Variants in PTPN1 observed in about 807,000 individuals in gnomAD.
PTPN1 encodes protein tyrosine phosphatase non-receptor type 1, also known as tyrosine-protein phosphatase non-receptor type 1.
PTPN1 carries 12 observed loss-of-function variants against 59.9 expected under a neutral mutation model. The ratio of observed to expected loss-of-function variants is 0.20; its 90% CI spans 0.13 to 0.32. The LOEUF is 0.32. PTPN1 is among the 10% of genes least tolerant of loss of function. The pLI is 1.00. For synonymous variants in PTPN1, 178 were observed against 203.6 expected (o/e 0.87, Z 1.07); for missense variants, 356 against 549.2 (o/e 0.65, Z 3.52).
chr20:50,553,996 G>A (rs917833539), intron 1 of PTPN1, among the ~76,000 whole-genome samples: 9 of 152,104 alleles, frequency 5.9e-5, no homozygotes, highest in African/African-American at 2.2e-4. Flanking sequence ...AAACAAGTCT[G>A]CCCCCAAAAT....
rs918839583 is a variant in PTPN1 at position 50,579,543 on chromosome 20, G to A, written c.865-160G>A. On this transcript the variant is annotated intron_variant, in intron 7 of 9. Transcript: ENST00000371621. ...ATAGAGAGCATTGATAGGAAGACGA[G>A]ACTTTATTTTCAAAAGATTTCATCT... 7.9e-5 allele frequency among the ~76,000 whole-genome samples: 12 copies of A among 152,350 alleles called. No individual in the cohort carries two copies. In the South Asian group the frequency reaches 2.5e-3, roughly 32 times the overall value.
chr20:50,515,416 T>C (rs1200782692), intron 1 of PTPN1, among the ~76,000 whole-genome samples: 1 of 152,250 alleles, frequency 6.6e-6, no homozygotes, highest in African/African-American at 2.4e-5. Flanking sequence ...ATATCTCTTC[T>C]AAAGCCCTGC....
At chr20:50,530,435 C>T (rs1267796658) in intron 1 of PTPN1, among the ~76,000 whole-genome samples, 1 of 151,892 alleles carries the variant, frequency 6.6e-6, no homozygotes, top group Non-Finnish European at 1.5e-5. Flanking sequence ...TGGCTCACTG[C>T]AGCCTCCCCG....
Position 50,579,241 on chromosome 20 carries a change from G to A in PTPN1, c.776G>A (p.Gly259Glu). The A allele has an allele frequency of 6.2e-7, 1 of 1,614,212 alleles. No individual in the cohort carries two copies. Among genetic ancestry groups the A allele is most frequent in the Non-Finnish European group, 8.5e-7 (1 of 1,180,028 alleles). ...TTAGAAATGAGGAAGTTTCGGATGG[G>A]GCTGATCCAGACAGCCGACCAGCTG... ...VLLEMRKFRM[G>E]LIQTADQLRF... is the part of the protein sequence containing the mutation. The change falls in exon 7 of 10, where the codon GGG becomes GAG. Residue 259 changes from glycine (G) to glutamate (E), a missense_variant. By Grantham distance (98) the Gly-to-Glu change is moderately conservative (BLOSUM62 -2). Transcript: ENST00000371621.
At chr20:50,533,912 G>A (rs772233038) in intron 1 of PTPN1, among the ~76,000 whole-genome samples, 2 of 152,090 alleles carry the variant, frequency 1.3e-5, no homozygotes, top group East Asian at 1.9e-4. Flanking sequence ...CAGATTGTCT[G>A]GCTATAGAAG....
At chr20:50,574,928 C>A in intron 5 of PTPN1, 1 of 379,758 alleles carries the variant, frequency 2.6e-6, no homozygotes, top group Non-Finnish European at 4.7e-6. Flanking sequence ...CTGGTTCCTG[C>A]TTGTGCAGCT....
chr20:50,562,195 T>C (rs957714799), intron 2 of PTPN1, among the ~76,000 whole-genome samples: 4 of 151,960 alleles, frequency 2.6e-5, no homozygotes, highest in Non-Finnish European at 5.9e-5. Context: ...CAGTGAGGGG[T>C]CGTAGCTGCC....
chr20:50,578,764 A>C, intron 6 of PTPN1, 135 bp downstream of exon 6: 1 of 747,204 alleles, frequency 1.3e-6, no homozygotes, highest in Non-Finnish European at 2.1e-6. Flanking sequence ...TTGCGTTACT[A>C]ATAAAGGCGT....
In PTPN1 at chr20:50,510,383, A is replaced by G. The variant is rs976215791; in HGVS notation, c.-145A>G. The G allele has an allele frequency of 5.9e-5, 49 of 828,610 alleles. No homozygotes were observed. The East Asian group carries it at 1.4e-3, about 24-fold the overall frequency. 51.3% of individuals were successfully genotyped at this position (828,610 alleles called of 1,614,324 possible). A position where few individuals can be genotyped will look rare whatever the true frequency, so the allele number is the denominator to read the frequency against. On this transcript the variant is annotated 5_prime_UTR_variant, in exon 1 of 10. An upstream start codon of the reference 5' UTR is lost. Transcript: ENST00000371621. ...TGCGTAGTTCCGGCTGCCGGTTGACATGAAGAAGCAGCAGCGGCTAGGGCG... is the reference window on the plus strand; with the variant it reads ...TGCGTAGTTCCGGCTGCCGGTTGACGTGAAGAAGCAGCAGCGGCTAGGGCG...
In PTPN1 at chr20:50,582,083, G is replaced by A. The variant is rs1390260924; in HGVS notation, c.1285-609G>A. 6.6e-6 allele frequency among the ~76,000 whole-genome samples: 1 copy of A among 152,222 alleles called. No individual in the cohort carries two copies. Among genetic ancestry groups the A allele is most frequent in the East Asian group, 1.9e-4 (1 of 5,204 alleles). ...CACTATAAGAAGAACAGCAACAAAA[G>A]GCCGTCTAGAAAAACAGAACCTGCC... On this transcript the variant is annotated intron_variant, in intron 9 of 9. Transcript: ENST00000371621. This position sits in a 1 kb window ranked among gnomAD's most constrained non-coding sequence, Gnocchi z 4.2.
chr20:50,518,177 C>T (rs1287173411), intron 1 of PTPN1, among the ~76,000 whole-genome samples: 2 of 152,180 alleles, frequency 1.3e-5, no homozygotes, highest in Non-Finnish European at 2.9e-5. Flanking sequence ...CGTTACATTA[C>T]AGCAAACAGC....
chr20:50,583,753 C>T lies in PTPN1; in HGVS notation c.*1038C>T, dbSNP rs2082881897. 1.3e-5 allele frequency: 2 copies of T among 152,678 alleles called. No individual in the cohort carries two copies. The highest frequency in any genetic ancestry group is 1.5e-5 in the Non-Finnish European group (1 of 68,064). The allele number at this position is 152,678 out of a possible 1,614,324, so 9.5% of individuals were successfully genotyped here. ...GACTTCCTGGTGAGGCCCAGCCTGT[C>T]CTGGTACAGCAGGGTCTTGCTGTAA... On this transcript the variant is annotated 3_prime_UTR_variant, in exon 10 of 10. Coordinates refer to ENST00000371621, the MANE Select transcript of PTPN1 (RefSeq NM_002827.4).
At chr20:50,542,267 TAAAC>T (rs1397802562) in intron 1 of PTPN1, among the ~76,000 whole-genome samples, 2 of 152,222 alleles carry the variant, frequency 1.3e-5, no homozygotes, top group South Asian at 2.1e-4. Flanking sequence ...CTTGTCTTCT[TAAAC>T]AAGAGCACAA....
chr20:50,583,189 T>G lies in PTPN1; in HGVS notation c.*474T>G, dbSNP rs547922390. The G allele has an allele frequency of 4.9e-4, 78 of 160,028 alleles. No individual in the cohort carries two copies. The highest frequency in any genetic ancestry group is 7.4e-4 in the Non-Finnish European group (54 of 72,948). 9.9% of individuals were successfully genotyped at this position (160,028 alleles called of 1,614,324 possible). On this transcript the variant is annotated 3_prime_UTR_variant, in exon 10 of 10. Transcript: ENST00000371621. The stretch of plus-strand genomic sequence containing the variant: ...TTGAACCAATAATGTATTAAAATTT[T>G]TTGATGTCAGCCTTGCATCAAGGGC...
chr20:50,545,748 G>A (rs6512653), intron 1 of PTPN1, among the ~76,000 whole-genome samples: 2,429 of 152,180 alleles, frequency 0.016, 25 homozygotes, highest in East Asian at 0.05. Context: ...GAGCTCGGTG[G>A]CTCACACCTG....
intron 1 of PTPN1, among the ~76,000 whole-genome samples, chr20:50,534,802 T>C (rs2082616565): frequency 6.6e-6 from 1 of 152,188 alleles, no homozygotes; most frequent in Non-Finnish European, 1.5e-5. Context: ...CATAGCTTAC[T>C]GTAACCTCAA....
intron 1 of PTPN1, among the ~76,000 whole-genome samples, chr20:50,524,567 G>GTTTTT (rs1386022104): frequency 6.2e-5 from 4 of 64,112 alleles, no homozygotes; most frequent in African/African-American, 2.4e-4. Context: ...CCATTATGTG[G>GTTTTT]TCTTTTTTTT....
chr20:50,515,050 G>A (rs766249610), intron 1 of PTPN1, among the ~76,000 whole-genome samples: 24 of 152,258 alleles, frequency 1.6e-4, no homozygotes, highest in Admixed American at 2.6e-4. Context: ...CCGGTTACCC[G>A]TTAATATGGT....
intron 1 of PTPN1, among the ~76,000 whole-genome samples, chr20:50,553,719 G>A (rs530537362): frequency 3.3e-5 from 5 of 152,224 alleles, no homozygotes; most frequent in African/African-American, 1.2e-4. Flanking sequence ...TAAATTAGCA[G>A]ATAAGGACAT....
Sources: gnomAD v4.1 joint callset for allele counts (sites outside exome capture counted in the v4.1 genomes callset) on GRCh38, gnomAD v4.1.1 for gene constraint, Gnocchi (gnomAD v3.1) non-coding constraint, MANE v1.5 for transcripts, NCBI Gene and HGNC (gene_info 2026-07-23, HGNC 2026-07-21) for gene names.